TRPV4: variants seen among roughly 807,000 people sequenced by gnomAD.
TRPV4 encodes the protein OSM9-like transient receptor potential channel 4.
A neutral mutation model predicts 84.1 loss-of-function variants in TRPV4; 58 were observed. The observed-to-expected ratio is 0.69, with a 90% CI of 0.56 to 0.86. The LOEUF is 0.86. Ranked by LOEUF, TRPV4 falls within the 40% of genes least tolerant of loss-of-function variation. The pLI is 0.00. For missense variants in TRPV4, 879 were observed against 1,181.1 expected, an observed-to-expected ratio of 0.74 and a Z score of 3.75; for synonymous variants, 489 against 500.9, an observed-to-expected ratio of 0.98 and a Z score of 0.32.
intron 1 of TRPV4, among the ~76,000 whole-genome samples, chr12:109,826,762 G>T (rs545789933): frequency 6.6e-6 from 1 of 152,152 alleles, no homozygotes; most frequent in East Asian, 1.9e-4. Flanking sequence ...TAGTAACTGC[G>T]TGGCCCCAGA....
Position 109,786,562 on chromosome 12 carries a change from G to T in TRPV4, c.2336+148C>A. ...GAGGTGGGCTGACTTGCCTGAGATCGCCTGGTGGAAATGAACTCTGCTCGG... is the reference window on the plus strand; with the variant it reads ...GAGGTGGGCTGACTTGCCTGAGATCTCCTGGTGGAAATGAACTCTGCTCGG... On this transcript the variant is annotated intron_variant, in intron 14 of 15. Transcript: ENST00000261740. This position sits in a 1 kb window ranked among gnomAD's most constrained non-coding sequence, Gnocchi z 4.5. 1 of 1,017,462 alleles carries T rather than the reference G, an allele frequency of 9.8e-7. No individual in the cohort carries two copies. Among genetic ancestry groups the T allele is most frequent in the Non-Finnish European group, 1.5e-6 (1 of 689,106 alleles). 63.0% of individuals were successfully genotyped at this position (1,017,462 alleles called of 1,614,324 possible).
intron 13 of TRPV4, among the ~76,000 whole-genome samples, chr12:109,788,136 A>G (rs1889808228): frequency 6.6e-6 from 1 of 152,198 alleles, no homozygotes; most frequent in Non-Finnish European, 1.5e-5. Flanking sequence ...TGCTAGGTGG[A>G]GCCGACTGTG....
intron 1 of TRPV4, among the ~76,000 whole-genome samples, chr12:109,823,054 G>A (rs530180396): frequency 8.5e-5 from 13 of 152,290 alleles, no homozygotes; most frequent in African/African-American, 2.9e-4. Context: ...GGCGGCTGCT[G>A]GGAACAGCCG....
intron 10 of TRPV4, 109 bp from the exon 11 acceptor site, chr12:109,792,926 G>A: frequency 9.1e-7 from 1 of 1,104,400 alleles, no homozygotes; most frequent in Non-Finnish European, 1.3e-6. Context: ...ACTTCCCAAT[G>A]CCTTCTAGAC....
chr12:109,817,411 G>A (rs980329656), intron 1 of TRPV4, among the ~76,000 whole-genome samples: 13 of 152,108 alleles, frequency 8.5e-5, no homozygotes, highest in Non-Finnish European at 1.5e-4. Context: ...GAGCTCCCAA[G>A]GCCAGAGAAG....
At chr12:109,789,057 T>C (rs1364757219) in intron 12 of TRPV4, among the ~76,000 whole-genome samples, 1 of 151,974 alleles carries the variant, frequency 6.6e-6, no homozygotes, top group Non-Finnish European at 1.5e-5. Flanking sequence ...AGCGTAGGAG[T>C]TTTGACCTGC....
rs1161213621 is a variant in TRPV4 at position 109,793,886 on chromosome 12, G to A, written c.1584+44C>T. On this transcript the variant is annotated intron_variant, in intron 9 of 15. Coordinates refer to ENST00000261740, the MANE Select transcript of TRPV4 (RefSeq NM_021625.5). The surrounding 1 kb of genome is among the most constrained non-coding windows in gnomAD (Gnocchi z 4.0). ...AGAGAAAAGAGGTGCAGGAAGAGAA[G>A]AGGAGGGCAGGCAGGGTGGGGGGCA... 1 of 1,399,536 alleles carries A rather than the reference G, an allele frequency of 7.1e-7. No individual in the cohort carries two copies. Among genetic ancestry groups the A allele is most frequent in the Middle Eastern group, 1.8e-4 (1 of 5,608 alleles). The allele number at this position is 1,399,536 out of a possible 1,614,324, so 86.7% of individuals were successfully genotyped here.
At chr12:109,784,458 G>T in intron 14 of TRPV4, 21 bp from the exon 15 acceptor site, 1 of 1,614,038 alleles carries the variant, frequency 6.2e-7, no homozygotes, top group South Asian at 1.1e-5. Context: ...CCAAGCAGAG[G>T]GTCATGGGGA....
chr12:109,796,740 C>T lies in TRPV4; in HGVS notation c.1153-36G>A, dbSNP rs755561002. 4 of 1,585,690 alleles carry T rather than the reference C, an allele frequency of 2.5e-6. No homozygotes were observed. The highest frequency in any genetic ancestry group is 1.7e-5 in the Admixed American group (1 of 58,800). Reference sequence around the variant, plus strand: ...GGCCAGGAGGGTCAGGGGGCTCACACTGGAAAGACCCCCAGGGCTGGGCCC... The same window carrying T: ...GGCCAGGAGGGTCAGGGGGCTCACATTGGAAAGACCCCCAGGGCTGGGCCC... On this transcript the variant is annotated intron_variant, in intron 6 of 15. Coordinates refer to ENST00000261740, the MANE Select transcript of TRPV4 (RefSeq NM_021625.5). This position sits in a 1 kb window ranked among gnomAD's most constrained non-coding sequence, Gnocchi z 4.2.
chr12:109,791,479 CTTTTT>C (rs1192347867), intron 12 of TRPV4, among the ~76,000 whole-genome samples: 3 of 128,430 alleles, frequency 2.3e-5, no homozygotes, highest in Non-Finnish European at 5.0e-5. Flanking sequence ...CATTCACCAG[CTTTTT>C]TTTTTTTTTT....
chr12:109,828,253 C>G lies in TRPV4; in HGVS notation c.-32+5097G>C, dbSNP rs374815693. Among the ~76,000 whole-genome samples the G allele has an allele frequency of 6.6e-5, 10 of 152,278 alleles. No homozygotes were observed. The South Asian group carries it at 1.9e-3, about 28-fold the overall frequency. Reference sequence around the variant, plus strand: ...GCTTCCTGTGCGCCTGGTGTGGTCTCGTGTGATCCTCCCTCACCGATGAGG... The same window carrying G: ...GCTTCCTGTGCGCCTGGTGTGGTCTGGTGTGATCCTCCCTCACCGATGAGG... On this transcript the variant is annotated intron_variant, in intron 1 of 15. Transcript: ENST00000261740.
At chr12:109,811,854 G>A (rs1891543671) in intron 2 of TRPV4, among the ~76,000 whole-genome samples, 1 of 150,590 alleles carries the variant, frequency 6.6e-6, no homozygotes, top group African/African-American at 2.5e-5. Flanking sequence ...CATCCTCCAG[G>A]ACACACACAC....
At chr12:109,805,590 C>T (rs1017352720) in intron 3 of TRPV4, among the ~76,000 whole-genome samples, 31 of 152,144 alleles carry the variant, frequency 2.0e-4, no homozygotes, top group African/African-American at 7.5e-4. Flanking sequence ...TCCCAGACTT[C>T]CCTGATAATC....
intron 10 of TRPV4, 52 bp from the exon 11 acceptor site, chr12:109,792,869 A>C: frequency 6.3e-7 from 1 of 1,596,474 alleles, no homozygotes; most frequent in South Asian, 1.1e-5. Flanking sequence ...GGGGACAATG[A>C]GGCTCTGGAG....
Position 109,788,533 on chromosome 12 carries a change from G to T in TRPV4, c.2075C>A (p.Pro692His), listed in dbSNP as rs773193680. 2 of 1,614,130 alleles carry T rather than the reference G, an allele frequency of 1.2e-6. No individual in the cohort carries two copies. Among genetic ancestry groups the T allele is most frequent in the African/African-American group, 2.7e-5 (2 of 74,950 alleles). The stretch of plus-strand genomic sequence containing the variant: ...CACCAGCAGGATGATGAAGACCACG[G>T]GGTACTTGGTGCTGCTCAGCATCTC... ...DLEMLSSTKYPVVFIILLVTY... is the reference protein window; with the variant it reads ...DLEMLSSTKYHVVFIILLVTY... Residue 692 changes from proline to histidine, a missense_variant, in exon 13 of 16, where the codon CCC (proline) becomes CAC (histidine). Physicochemically the swap from Pro to His is moderately conservative, Grantham distance 77 (BLOSUM62 -2). This residue lies in a region of TRPV4 where 242 missense variants were observed against 355.3 expected (regional missense o/e 0.68). Coordinates refer to ENST00000261740, the MANE Select transcript of TRPV4 (RefSeq NM_021625.5).
intron 3 of TRPV4, among the ~76,000 whole-genome samples, chr12:109,804,427 C>A (rs1367016680): frequency 6.6e-6 from 1 of 152,124 alleles, no homozygotes; most frequent in Non-Finnish European, 1.5e-5. Flanking sequence ...GCTGTATGAC[C>A]ATTTCTCTGC....
chr12:109,783,833 C>G lies in TRPV4; in HGVS notation c.2459-55G>C. 2 of 1,594,710 alleles carry G rather than the reference C, an allele frequency of 1.3e-6. No individual in the cohort carries two copies. Among genetic ancestry groups the G allele is most frequent in the Non-Finnish European group, 1.7e-6 (2 of 1,174,006 alleles). ...TGGGGGTTGGTGGAGAGAGAGCGTG[C>G]GTATATTGAGTGCCTACTGTGTACT... On this transcript the variant is annotated intron_variant, in intron 15 of 15. Coordinates refer to ENST00000261740, the MANE Select transcript of TRPV4 (RefSeq NM_021625.5). The surrounding 1 kb of genome is among the most constrained non-coding windows in gnomAD (Gnocchi z 4.6).
rs775317084 is a variant in TRPV4, at chr12:109,803,110, G to C, written c.593C>G (p.Ala198Gly). The change falls in exon 4 of 16, where the codon GCC becomes GGC. Residue 198 changes from alanine to glycine, a missense_variant. This residue lies in a region of TRPV4 where 521 missense variants were observed against 686.6 expected (regional missense o/e 0.76). Transcript: ENST00000261740. ...PSTGKTCLPK[A>G]LLNLSNGRND... ...GCGGCCATTGCTCAGGTTCAGCAAG[G>C]CCTTGGGCAGGCAGGTCTTCCCCGT... is the stretch of plus-strand genomic sequence containing the variant. 1.9e-5 allele frequency: 30 copies of C among 1,614,016 alleles called. No individual in the cohort carries two copies. The highest frequency in any genetic ancestry group is 2.3e-5 in the Non-Finnish European group (27 of 1,180,036).
rs773527895 is a variant in TRPV4 at position 109,788,667 on chromosome 12, C to T, written c.1941G>A (p.Glu647=). 5.0e-6 allele frequency: 8 copies of T among 1,614,196 alleles called. No individual in the cohort carries two copies. In the South Asian group the frequency reaches 8.8e-5, roughly 18 times the overall value. Residue 647 remains glutamate, a synonymous_variant, in exon 13 of 16, where the codon GAG becomes GAA. Coordinates refer to ENST00000261740, the MANE Select transcript of TRPV4 (RefSeq NM_021625.5). ...TGGGCACTGTGCAGTTGGTCTGGTC[C>T]TCATTGCACACCTTCATGTTGGCAC... The part of the protein sequence containing the change: ...NPCANMKVCN[E]DQTNCTVPTY...
Sources: gnomAD v4.1 joint callset for allele counts (sites outside exome capture counted in the v4.1 genomes callset) on GRCh38, gnomAD v4.1.1 for gene constraint, gnomAD v4.1.1 regional missense constraint, Gnocchi (gnomAD v3.1) non-coding constraint, MANE v1.5 for transcripts, NCBI Gene and HGNC (gene_info 2026-07-23, HGNC 2026-07-21) for gene names.